Variants in RSPRY1 observed in about 807,000 individuals in gnomAD.
The protein encoded by RSPRY1 is RING finger and SPRY domain-containing protein 1.
A neutral mutation model predicts 73.1 loss-of-function variants in RSPRY1; 23 were observed. The observed-to-expected ratio is 0.31, with a 90% CI of 0.23 to 0.45. RSPRY1 has a LOEUF of 0.45. Ranked by LOEUF, RSPRY1 falls within the 20% of genes least tolerant of loss-of-function variation. RSPRY1 has a pLI of 1.00. For synonymous variants in RSPRY1, 226 were observed against 251.4 expected (o/e 0.90, Z 0.95); for missense variants, 448 against 698.7 (o/e 0.64, Z 4.05).
chr16:57,224,897 A>G (rs754875152), intron 10 of RSPRY1, among the ~76,000 whole-genome samples: 9 of 152,252 alleles, frequency 5.9e-5, no homozygotes, highest in Non-Finnish European at 8.8e-5. Flanking sequence ...TGTTCTGTCA[A>G]GGACTTCTCA....
rs918187488 is a variant in RSPRY1, at chr16:57,186,329, C to T, written c.-278C>T. On this transcript the variant is annotated 5_prime_UTR_variant, in exon 1 of 15. Coordinates refer to ENST00000394420, the MANE Select transcript of RSPRY1 (RefSeq NM_133368.3). ...TGGGGCGGTACGAAGCGGGGGTGGG[C>T]TCTGCGCGTAATGGCAGCGCCGTGG... 2 of 217,616 alleles carry T rather than the reference C, an allele frequency of 9.2e-6. No individual in the cohort carries two copies. The highest frequency in any genetic ancestry group is 1.3e-4 in the Admixed American group (2 of 15,330). 13.5% of individuals were successfully genotyped at this position (217,616 alleles called of 1,614,324 possible). A position where few individuals can be genotyped will look rare whatever the true frequency, so the allele number is the denominator to read the frequency against.
rs5817091 is a variant in RSPRY1, at chr16:57,223,001, T to TA, written c.1161+1587dup. On this transcript the variant is annotated intron_variant, in intron 10 of 14. Transcript: ENST00000394420. ...GTTAAAGACTTAAATACTGTTTTTT[T>TA]ATCCTCCAGATCACTTGACAGGCTG... Among the ~76,000 whole-genome samples, 714 of 152,318 alleles carry TA rather than the reference T, an allele frequency of 4.7e-3. 7 individuals are homozygous for TA. The highest frequency in any genetic ancestry group is 0.016 in the African/African-American group (662 of 41,558).
intron 9 of RSPRY1, 67 bp downstream of exon 9, chr16:57,220,914 G>A: frequency 8.6e-7 from 1 of 1,156,918 alleles, no homozygotes. Context: ...TCCTTGCATA[G>A]CCAGTTGTCT....
chr16:57,230,005 C>CTCT, intron 11 of RSPRY1, among the ~76,000 whole-genome samples: 1 of 44,952 alleles, frequency 2.2e-5, no homozygotes. Flanking sequence ...ACGCCCTGCC[C>CTCT]TTTTTTTTTT....
chr16:57,189,846 C>T (rs1469325586), intron 1 of RSPRY1, among the ~76,000 whole-genome samples: 1 of 151,980 alleles, frequency 6.6e-6, no homozygotes, highest in Non-Finnish European at 1.5e-5. Flanking sequence ...CCACCTTGGC[C>T]TCCCAAGGTG....
intron 4 of RSPRY1, among the ~76,000 whole-genome samples, chr16:57,210,224 T>C (rs1394500146): frequency 6.6e-6 from 1 of 151,720 alleles, no homozygotes; most frequent in African/African-American, 2.4e-5. Context: ...ACTACAGGCA[T>C]GCACCACCAC....
intron 1 of RSPRY1, among the ~76,000 whole-genome samples, chr16:57,197,245 C>T (rs1435539381): frequency 2.0e-5 from 3 of 152,148 alleles, no homozygotes; most frequent in Non-Finnish European, 4.4e-5. Context: ...TGAATGACAG[C>T]CATTTCCAGT....
intron 1 of RSPRY1, among the ~76,000 whole-genome samples, chr16:57,191,277 TGTTTTTTTAA>T (rs1250176192): frequency 6.6e-6 from 1 of 152,240 alleles, no homozygotes; most frequent in Non-Finnish European, 1.5e-5. Context: ...ACTGTTTGTT[TGTTTTTTTAA>T]GTTTTTATTG....
intron 8 of RSPRY1, chr16:57,219,752 T>G (rs2075004816): frequency 6.6e-6 from 1 of 152,232 alleles, no homozygotes; most frequent in Non-Finnish European, 1.5e-5. Flanking sequence ...CCTGGAGAGT[T>G]TCCCCAATGT....
chr16:57,202,744 T>C (rs2074642978), intron 1 of RSPRY1, among the ~76,000 whole-genome samples: 1 of 152,106 alleles, frequency 6.6e-6, no homozygotes, highest in Admixed American at 6.5e-5. Flanking sequence ...CATTGCTGTC[T>C]TAATAGTGAA....
chr16:57,220,740 G>A lies in RSPRY1; in HGVS notation c.910G>A (p.Glu304Lys). Residue 304 changes from glutamate to lysine, a missense_variant, in exon 9 of 15, where the codon GAA becomes AAA. By Grantham distance (56) the Glu-to-Lys change is moderately conservative. Coordinates refer to ENST00000394420, the MANE Select transcript of RSPRY1 (RefSeq NM_133368.3). ...CACTCTTTCTTTTGCAGTTTTAAAAGAAGGTAGACAGCTGACCTATGAGAA... is the reference window on the plus strand; with the variant it reads ...CACTCTTTCTTTTGCAGTTTTAAAAAAAGGTAGACAGCTGACCTATGAGAA... Reference protein sequence around the residue: ...QWSLDNLFLKEGRQLTYEKVN... With the variant: ...QWSLDNLFLKKGRQLTYEKVN... The A allele has an allele frequency of 6.2e-7, 1 of 1,610,332 alleles. No homozygotes were observed. The highest frequency in any genetic ancestry group is 8.5e-7 in the Non-Finnish European group (1 of 1,176,658).
intron 4 of RSPRY1, among the ~76,000 whole-genome samples, chr16:57,210,532 G>A (rs542088360): frequency 1.4e-4 from 21 of 151,728 alleles, no homozygotes; most frequent in African/African-American, 4.1e-4. Context: ...GTGAAACCCC[G>A]TCTCTACTAA....
intron 4 of RSPRY1, among the ~76,000 whole-genome samples, chr16:57,210,027 T>TTCTC (rs2074805962): frequency 9.7e-6 from 1 of 103,354 alleles, no homozygotes; most frequent in African/African-American, 3.9e-5. Flanking sequence ...CTTTCTTTCT[T>TTCTC]TCCCTCCCTC....
At chr16:57,221,954 T>C (rs1362285535) in intron 10 of RSPRY1, among the ~76,000 whole-genome samples, 1 of 152,240 alleles carries the variant, frequency 6.6e-6, no homozygotes, top group Non-Finnish European at 1.5e-5. Context: ...ATTGAAGGTG[T>C]TGGAGTTCCT....
Position 57,221,264 on chromosome 16 carries a change from T to G in RSPRY1, c.1018-8T>G. On this transcript the variant is annotated splice_polypyrimidine_tract_variant and splice_region_variant and intron_variant, in intron 9 of 14. Coordinates refer to ENST00000394420, the MANE Select transcript of RSPRY1 (RefSeq NM_133368.3). ...ATAGTTGATTGACACATTTTTTGGT[T>G]TTGCCAGGCTCGCTGTGATGCCTCC... is the stretch of plus-strand genomic sequence containing the variant. 1 of 1,613,380 alleles carries G rather than the reference T, an allele frequency of 6.2e-7. No individual in the cohort carries two copies. Among genetic ancestry groups the G allele is most frequent in the Non-Finnish European group, 8.5e-7 (1 of 1,179,816 alleles).
At chr16:57,237,269 G>A (rs755551404) in intron 14 of RSPRY1, among the ~76,000 whole-genome samples, 5 of 151,820 alleles carry the variant, frequency 3.3e-5, no homozygotes, top group East Asian at 2.0e-4. Flanking sequence ...TCAGCCTCCC[G>A]AGTAGCTTGG....
At chr16:57,229,652 C>T (rs1205551594) in intron 11 of RSPRY1, among the ~76,000 whole-genome samples, 6 of 138,222 alleles carry the variant, frequency 4.3e-5, no homozygotes, top group Middle Eastern at 3.8e-3. Context: ...AAACTGAAAC[C>T]TTAGAGTTTT....
intron 2 of RSPRY1, 56 bp downstream of exon 2, chr16:57,205,064 C>A (rs1017444412): frequency 2.9e-6 from 4 of 1,384,628 alleles, no homozygotes; most frequent in Non-Finnish European, 4.0e-6. Context: ...CTGCCCGGAA[C>A]CATGACTTTA....
intron 1 of RSPRY1, among the ~76,000 whole-genome samples, chr16:57,187,703 T>C (rs2074262897): frequency 6.6e-6 from 1 of 152,212 alleles, no homozygotes; most frequent in Non-Finnish European, 1.5e-5. Context: ...AATACAGTCG[T>C]TGTCTGTCAC....
Sources: gnomAD v4.1 joint callset for allele counts (sites outside exome capture counted in the v4.1 genomes callset) on GRCh38, gnomAD v4.1.1 for gene constraint, MANE v1.5 for transcripts, NCBI Gene and HGNC (gene_info 2026-07-23, HGNC 2026-07-21) for gene names.